CAST: variants seen among roughly 807,000 people sequenced by gnomAD.
CAST encodes calpastatin.
Under a neutral mutation model 119.6 loss-of-function variants are expected in CAST, and 76 were observed. The observed-to-expected ratio is 0.64, with a 90% CI of 0.53 to 0.77. CAST has a LOEUF of 0.77. CAST is among the 30% of genes least tolerant of loss of function. CAST has a pLI of 0.00. For missense variants in CAST, 953 were observed against 946.5 expected (o/e 1.01, Z -0.09); for synonymous variants, 319 against 331.6 (o/e 0.96, Z 0.41).
the CAST span, among the ~76,000 whole-genome samples, chr5:96,345,638 A>G: frequency 1.3e-5 from 2 of 152,162 alleles, no homozygotes; most frequent in African/African-American, 4.8e-5. Context: ...ATGAAGCTGT[A>G]ATTGAGATGT....
At chr5:96,600,173 A>G (rs995872477) in intron 1 of CAST, among the ~76,000 whole-genome samples, 4 of 152,230 alleles carry the variant, frequency 2.6e-5, no homozygotes, top group African/African-American at 9.7e-5. Flanking sequence ...GGGGTAGAGT[A>G]TATCGTTCTT....
chr5:96,157,379 A>C, the CAST span, among the ~76,000 whole-genome samples: 1 of 152,260 alleles, frequency 6.6e-6, no homozygotes, highest in Non-Finnish European at 1.5e-5. Flanking sequence ...TTCCAAAAGG[A>C]TGTTGTCTAA....
chr5:96,301,752 G>A, the CAST span, among the ~76,000 whole-genome samples: 2,172 of 152,302 alleles, frequency 0.014, 27 homozygotes, highest in Non-Finnish European at 0.022. Context: ...GGGTGGGCTC[G>A]AAGGGCCTTG....
chr5:96,426,394 ATAT>A, the CAST span, among the ~76,000 whole-genome samples: 1 of 152,186 alleles, frequency 6.6e-6, no homozygotes, highest in African/African-American at 2.4e-5. Context: ...GAAATTGCAA[ATAT>A]TTTATAAAGT....
At chr5:96,573,706 T>C (rs261233) in intron 1 of CAST, among the ~76,000 whole-genome samples, 71,783 of 151,812 alleles carry the variant, frequency 0.47, 17,091 homozygotes, top group Middle Eastern at 0.51. Flanking sequence ...GGCATATCCA[T>C]ATAACTCACA....
the CAST span, among the ~76,000 whole-genome samples, chr5:96,376,917 A>G: frequency 1.3e-5 from 2 of 152,192 alleles, no homozygotes; most frequent in Non-Finnish European, 2.9e-5. Flanking sequence ...CAGTGGGATA[A>G]GATGTGGAAG....
the CAST span, among the ~76,000 whole-genome samples, chr5:96,461,656 C>A: frequency 6.6e-6 from 1 of 151,944 alleles, no homozygotes; most frequent in African/African-American, 2.4e-5. Flanking sequence ...ATCATCTGAT[C>A]CGTGTTATTT....
chr5:96,320,228 CTT>C, the CAST span, among the ~76,000 whole-genome samples: 118 of 97,322 alleles, frequency 1.2e-3, no homozygotes, highest in African/African-American at 3.6e-3. Flanking sequence ...AAGGCTTTTG[CTT>C]TTTTTTTTTT....
At chr5:96,462,820 G>A in the CAST span, among the ~76,000 whole-genome samples, 1 of 152,034 alleles carries the variant, frequency 6.6e-6, no homozygotes, top group Non-Finnish European at 1.5e-5. Context: ...ATGATAGTGA[G>A]GGAGTTCTCA....
At chr5:96,261,431 C>A in the CAST span, among the ~76,000 whole-genome samples, 1 of 152,190 alleles carries the variant, frequency 6.6e-6, no homozygotes, top group Non-Finnish European at 1.5e-5. Flanking sequence ...ATTACCCCCC[C>A]ATCCAGGGCT....
chr5:96,074,434 CTT>C, the CAST span, among the ~76,000 whole-genome samples: 1 of 152,186 alleles, frequency 6.6e-6, no homozygotes, highest in Non-Finnish European at 1.5e-5. Flanking sequence ...GTTGCTGTCT[CTT>C]TGCCATGTGA....
chr5:96,291,083 A>G, the CAST span, among the ~76,000 whole-genome samples: 8 of 152,360 alleles, frequency 5.3e-5, no homozygotes, highest in South Asian at 1.7e-3. Flanking sequence ...CATACTAGCC[A>G]TGTGAATGAA....
the CAST span, chr5:96,415,954 G>A: frequency 3.3e-6 from 3 of 895,796 alleles, no homozygotes; most frequent in Non-Finnish European, 5.7e-6. Context: ...AAAAAGAAAA[G>A]CTCCCCTCCC....
At chr5:96,131,349 C>T in the CAST span, among the ~76,000 whole-genome samples, 1 of 151,976 alleles carries the variant, frequency 6.6e-6, no homozygotes, top group East Asian at 1.9e-4. Flanking sequence ...GAAGCCTGCA[C>T]AACTGGCTGT....
chr5:96,619,544 T>C (rs1405083643), intron 1 of CAST, among the ~76,000 whole-genome samples: 1 of 152,222 alleles, frequency 6.6e-6, no homozygotes, highest in Non-Finnish European at 1.5e-5. Flanking sequence ...GTGGTAGCTT[T>C]GTTCTTTTGC....
At chr5:96,257,824 A>G in the CAST span, among the ~76,000 whole-genome samples, 1 of 152,226 alleles carries the variant, frequency 6.6e-6, no homozygotes, top group Middle Eastern at 3.2e-3. Flanking sequence ...GGCACTATGC[A>G]TGGCATCCAG....
chr5:96,112,484 T>C, the CAST span, among the ~76,000 whole-genome samples: 1 of 152,250 alleles, frequency 6.6e-6, no homozygotes, highest in Non-Finnish European at 1.5e-5. Context: ...AGGGACTGTA[T>C]TTGACTTATT....
the CAST span, among the ~76,000 whole-genome samples, chr5:96,123,450 A>G: frequency 2.0e-5 from 3 of 152,140 alleles, no homozygotes; most frequent in African/African-American, 7.2e-5. Flanking sequence ...ACAGGGTTAA[A>G]ACAAAATCAT....
At chr5:96,714,915 C>T (rs189814461) in intron 3 of CAST, 3 of 151,826 alleles carry the variant, frequency 2.0e-5, no homozygotes, top group Non-Finnish European at 4.4e-5. Context: ...ATTTTTTTTT[C>T]TAAGTTCTTG....
Sources: gnomAD v4.1 joint callset for allele counts (sites outside exome capture counted in the v4.1 genomes callset) on GRCh38, gnomAD v4.1.1 for gene constraint, MANE v1.5 for transcripts, NCBI Gene and HGNC (gene_info 2026-07-23, HGNC 2026-07-21) for gene names.